Variants in DLGAP1 observed in about 807,000 individuals in gnomAD.
The protein encoded by DLGAP1 is disks large-associated protein 1.
DLGAP1 carries 11 observed loss-of-function variants against 90.8 expected under a neutral mutation model. The ratio of observed to expected loss-of-function variants is 0.12; its 90% CI spans 0.08 to 0.20. The LOEUF is 0.20. Ranked by LOEUF, DLGAP1 falls within the 10% of genes least tolerant of loss-of-function variation. The pLI, the probability that DLGAP1 is intolerant of heterozygous loss-of-function variation, is 1.00. For missense variants in DLGAP1, 1,050 were observed against 1,333.8 expected (o/e 0.79, Z 3.31); for synonymous variants, 558 against 540.7 (o/e 1.03, Z -0.44).
intron 9 of DLGAP1, among the ~76,000 whole-genome samples, chr18:3,556,222 A>G (rs1233693480): frequency 6.6e-6 from 1 of 152,166 alleles, no homozygotes; most frequent in Non-Finnish European, 1.5e-5. Context: ...CCCGACACAC[A>G]CACAGCCTCA....
intron 5 of DLGAP1, among the ~76,000 whole-genome samples, chr18:3,789,415 C>G (rs571065960): frequency 6.6e-6 from 1 of 152,142 alleles, no homozygotes; most frequent in South Asian, 2.1e-4. Context: ...GGAGCTCAGA[C>G]GGAAGGCCGG....
chr18:3,992,627 G>A (rs1417050233), intron 3 of DLGAP1, among the ~76,000 whole-genome samples: 1 of 152,254 alleles, frequency 6.6e-6, no homozygotes. Flanking sequence ...GCAGTGAGCC[G>A]TGATTATGCC....
chr18:3,726,688 C>A (rs1214776025), intron 7 of DLGAP1, among the ~76,000 whole-genome samples: 2 of 152,088 alleles, frequency 1.3e-5, no homozygotes, highest in Non-Finnish European at 2.9e-5. Context: ...AAAGATGATA[C>A]ATTATGTTTG....
At chr18:4,274,103 G>A (rs1347159820) in intron 1 of DLGAP1, among the ~76,000 whole-genome samples, 2 of 151,466 alleles carry the variant, frequency 1.3e-5, no homozygotes, top group African/African-American at 4.9e-5. Flanking sequence ...TAAGGTGGAA[G>A]GTTAGGTTAT....
chr18:4,370,252 T>A (rs552179317), intron 1 of DLGAP1, among the ~76,000 whole-genome samples: 1 of 151,946 alleles, frequency 6.6e-6, no homozygotes, highest in Admixed American at 6.6e-5. Flanking sequence ...GAAAAACAGA[T>A]CCAGATCAGG....
chr18:4,229,140 A>G (rs2078249487), intron 1 of DLGAP1, among the ~76,000 whole-genome samples: 1 of 152,006 alleles, frequency 6.6e-6, no homozygotes, highest in African/African-American at 2.4e-5. Context: ...GAAGCGAAAG[A>G]TCTATAATGA....
intron 7 of DLGAP1, among the ~76,000 whole-genome samples, chr18:3,686,309 C>T (rs553929782): frequency 1.3e-5 from 2 of 151,902 alleles, no homozygotes; most frequent in South Asian, 4.2e-4. Flanking sequence ...TTTCAAAAAG[C>T]ACTAGGAATC....
intron 3 of DLGAP1, among the ~76,000 whole-genome samples, chr18:3,939,301 C>A (rs2072712907): frequency 6.6e-6 from 1 of 151,412 alleles, no homozygotes; most frequent in African/African-American, 2.4e-5. Context: ...CACCTGTAAC[C>A]CCAGCTACTC....
intron 4 of DLGAP1, among the ~76,000 whole-genome samples, chr18:3,867,148 A>T (rs115473115): frequency 6.6e-6 from 1 of 152,154 alleles, no homozygotes; most frequent in Non-Finnish European, 1.5e-5. Flanking sequence ...CACTGCGCCC[A>T]GCCAGAATCA....
intron 2 of DLGAP1, among the ~76,000 whole-genome samples, chr18:4,104,823 G>A (rs114967785): frequency 0.014 from 2,146 of 152,206 alleles, 46 homozygotes; most frequent in African/African-American, 0.046. Flanking sequence ...AGTTCAAATA[G>A]TACAGCATAA....
chr18:3,869,675 C>T (rs549713724), intron 4 of DLGAP1, among the ~76,000 whole-genome samples: 1 of 152,330 alleles, frequency 6.6e-6, no homozygotes, highest in East Asian at 1.9e-4. Flanking sequence ...TTAAGACCTA[C>T]TGTCATCCCA....
chr18:3,807,243 G>T (rs186841488), intron 5 of DLGAP1, among the ~76,000 whole-genome samples: 100 of 152,022 alleles, frequency 6.6e-4, no homozygotes, highest in African/African-American at 2.4e-3. Context: ...GTTTTTCCTG[G>T]GTACCACTTC....
At chr18:4,202,506 G>A (rs558150944) in intron 1 of DLGAP1, among the ~76,000 whole-genome samples, 19 of 152,186 alleles carry the variant, frequency 1.2e-4, no homozygotes, top group Non-Finnish European at 2.1e-4. Flanking sequence ...GTTTTGATTA[G>A]AAAGATAGAC....
chr18:3,831,603 T>C (rs1449764754), intron 4 of DLGAP1, among the ~76,000 whole-genome samples: 1 of 152,210 alleles, frequency 6.6e-6, no homozygotes, highest in Non-Finnish European at 1.5e-5. Flanking sequence ...AAATCATCCT[T>C]TGGGAAATGT....
intron 1 of DLGAP1, among the ~76,000 whole-genome samples, chr18:4,215,375 A>G (rs1367920849): frequency 6.6e-6 from 1 of 152,168 alleles, no homozygotes; most frequent in African/African-American, 2.4e-5. Context: ...GGCCTTACAC[A>G]AATTCCAAGA....
At chr18:4,347,382 A>T (rs1451775250) in intron 1 of DLGAP1, among the ~76,000 whole-genome samples, 3 of 152,176 alleles carry the variant, frequency 2.0e-5, no homozygotes, top group South Asian at 2.1e-4. Flanking sequence ...AACCTAAAAA[A>T]CTTTGTTCAA....
chr18:4,444,156 C>G (rs1309520506), intron 1 of DLGAP1, among the ~76,000 whole-genome samples: 1 of 152,220 alleles, frequency 6.6e-6, no homozygotes, highest in Non-Finnish European at 1.5e-5. Context: ...TTAGAGCCCA[C>G]TGTGACCACG....
At chr18:3,901,333 C>G (rs190444574) in intron 3 of DLGAP1, among the ~76,000 whole-genome samples, 65 of 152,300 alleles carry the variant, frequency 4.3e-4, no homozygotes, top group Non-Finnish European at 7.9e-4. Context: ...CTGCAATTGT[C>G]TCCTACACTC....
intron 4 of DLGAP1, among the ~76,000 whole-genome samples, chr18:3,862,771 G>A (rs1367162567): frequency 4.6e-5 from 7 of 152,366 alleles, no homozygotes; most frequent in South Asian, 2.1e-4. Flanking sequence ...ACAACTCTAC[G>A]AGGTAAGTAT....
Sources: gnomAD v4.1 joint callset for allele counts (sites outside exome capture counted in the v4.1 genomes callset) on GRCh38, gnomAD v4.1.1 for gene constraint, MANE v1.5 for transcripts, NCBI Gene and HGNC (gene_info 2026-07-23, HGNC 2026-07-21) for gene names.